The following NAALADL2 variants were observed in gnomAD, a reference collection of about 807,000 sequenced individuals.
The protein encoded by NAALADL2 is inactive N-acetylated-alpha-linked acidic dipeptidase-like protein 2.
NAALADL2 carries 76 observed loss-of-function variants against 87.2 expected under a neutral mutation model. The observed-to-expected ratio is 0.87, with a 90% CI of 0.72 to 1.05. The LOEUF is 1.05. Ranked by LOEUF, NAALADL2 falls within the 50% of genes least tolerant of loss-of-function variation. The pLI is 0.00. For missense variants in NAALADL2, 1,089 were observed against 945.8 expected, an observed-to-expected ratio of 1.15 and a Z score of -1.99; for synonymous variants, 354 against 331.0, an observed-to-expected ratio of 1.07 and a Z score of -0.75.
At chr3:175,625,271 G>A (rs1378411273) in intron 10 of NAALADL2, among the ~76,000 whole-genome samples, 3 of 151,922 alleles carry the variant, frequency 2.0e-5, no homozygotes, top group East Asian at 3.9e-4. Context: ...ATAGTGATGA[G>A]AATGTCATGT....
At chr3:175,565,258 A>G (rs1716921045) in intron 9 of NAALADL2, among the ~76,000 whole-genome samples, 2 of 152,206 alleles carry the variant, frequency 1.3e-5, no homozygotes, top group South Asian at 2.1e-4. Flanking sequence ...AATGAAATAA[A>G]AAGAACTCAT....
intron 4 of NAALADL2, among the ~76,000 whole-genome samples, chr3:175,315,645 A>G (rs543606307): frequency 1.3e-5 from 2 of 152,296 alleles, no homozygotes; most frequent in Admixed American, 1.3e-4. Context: ...ATTTTAGGCT[A>G]TAAATACTGT....
intron 1 of NAALADL2, among the ~76,000 whole-genome samples, chr3:174,499,193 G>A (rs1718735055): frequency 6.6e-6 from 1 of 151,940 alleles, no homozygotes; most frequent in Non-Finnish European, 1.5e-5. Context: ...CCTGGATAAG[G>A]GGAACTATTG....
At chr3:175,306,415 C>G (rs1757728603) in intron 4 of NAALADL2, among the ~76,000 whole-genome samples, 1 of 152,150 alleles carries the variant, frequency 6.6e-6, no homozygotes, top group Admixed American at 6.5e-5. Flanking sequence ...AATTCCTTCA[C>G]AGGTGGACAT....
At chr3:174,441,825 C>G (rs1473729193) in intron 1 of NAALADL2, among the ~76,000 whole-genome samples, 1 of 150,964 alleles carries the variant, frequency 6.6e-6, no homozygotes, top group African/African-American at 2.4e-5. Flanking sequence ...CATACAGTAG[C>G]CTTTACATTT....
chr3:174,958,212 A>G (rs139912112), intron 1 of NAALADL2, among the ~76,000 whole-genome samples: 177 of 151,004 alleles, frequency 1.2e-3, no homozygotes, highest in African/African-American at 4.1e-3. Flanking sequence ...CAATTTATAT[A>G]TATAAATAAT....
intron 3 of NAALADL2, among the ~76,000 whole-genome samples, chr3:174,767,365 C>T (rs999980963): frequency 1.3e-5 from 2 of 152,102 alleles, no homozygotes; most frequent in Non-Finnish European, 2.9e-5. Flanking sequence ...GTTACCCTTA[C>T]CAGACTTTTA....
chr3:174,654,060 TTGTGTGTGTG>T lies in NAALADL2; in HGVS notation c.-114-83549_-114-83540del, dbSNP rs137877260. On this transcript the variant is annotated intron_variant, in intron 2 of 3. Transcript: ENST00000434257. ...CATAATATTTAGTAATAAGATGGCTTTGTGTGTGTGTGTGTGTGTGTGTGTGTGTGTGTGT... is the reference window on the plus strand; with the variant it reads ...CATAATATTTAGTAATAAGATGGCTTTGTGTGTGTGTGTGTGTGTGTGTGT... Among the ~76,000 whole-genome samples the T allele has an allele frequency of 2.3e-3, 326 of 144,058 alleles. 2 individuals carry two copies. Among genetic ancestry groups the T allele is most frequent in the South Asian group, 8.6e-3 (38 of 4,420 alleles). 94.5% of individuals were successfully genotyped at this position (144,058 alleles called of 152,430 possible).
At chr3:174,485,097 C>T (rs1717771746) in intron 1 of NAALADL2, among the ~76,000 whole-genome samples, 1 of 151,942 alleles carries the variant, frequency 6.6e-6, no homozygotes, top group Non-Finnish European at 1.5e-5. Flanking sequence ...TCCATAGCCA[C>T]AGGTTCTGCA....
intron 1 of NAALADL2, among the ~76,000 whole-genome samples, chr3:174,528,975 C>T (rs1229887215): frequency 6.6e-6 from 1 of 152,080 alleles, no homozygotes; most frequent in Non-Finnish European, 1.5e-5. Context: ...ATCTCACGTC[C>T]CCACATTTCA....
At chr3:174,927,111 A>T (rs1036722335) in intron 1 of NAALADL2, among the ~76,000 whole-genome samples, 18 of 152,280 alleles carry the variant, frequency 1.2e-4, no homozygotes, top group African/African-American at 3.6e-4. Flanking sequence ...AAGAGACAGA[A>T]GGCCATTACA....
In NAALADL2 at chr3:175,131,815, G is replaced by A. The variant is rs865794808; in HGVS notation, c.545+34524G>A. Among the ~76,000 whole-genome samples the A allele has an allele frequency of 3.4e-4, 46 of 133,784 alleles. 1 individual carries two copies. Among genetic ancestry groups the A allele is most frequent in the African/African-American group, 8.7e-4 (30 of 34,648 alleles). The allele number at this position is 133,784 out of a possible 152,430, so 87.8% of individuals were successfully genotyped here. A position where few individuals can be genotyped will look rare whatever the true frequency, so the allele number is the denominator to read the frequency against. On this transcript the variant is annotated intron_variant, in intron 2 of 13. Transcript: ENST00000454872. ...TCCCGGACGGGGGGCCTGGCCGGGCGGGGGGCTGACCCCCCCCACCTCCCT... is the reference window on the plus strand; with the variant it reads ...TCCCGGACGGGGGGCCTGGCCGGGCAGGGGGCTGACCCCCCCCACCTCCCT...
At chr3:175,066,440 A>T (rs1035416529) in intron 1 of NAALADL2, among the ~76,000 whole-genome samples, 1 of 152,070 alleles carries the variant, frequency 6.6e-6, no homozygotes, top group Admixed American at 6.6e-5. Context: ...CTGTCTCTTC[A>T]GTGCTCTATC....
chr3:175,446,845 C>T (rs1407272115), intron 5 of NAALADL2, among the ~76,000 whole-genome samples: 2 of 152,134 alleles, frequency 1.3e-5, no homozygotes, highest in Non-Finnish European at 2.9e-5. Context: ...TTAGGTTTCC[C>T]CCTCAGGTCT....
chr3:175,174,883 T>G (rs1735481605), intron 2 of NAALADL2, among the ~76,000 whole-genome samples: 1 of 151,786 alleles, frequency 6.6e-6, no homozygotes, highest in Admixed American at 6.6e-5. Flanking sequence ...TTAATAGAAC[T>G]GCAAACAGAG....
At chr3:175,049,941 TAA>T (rs1755155851) in intron 1 of NAALADL2, among the ~76,000 whole-genome samples, 1 of 152,200 alleles carries the variant, frequency 6.6e-6, no homozygotes, top group African/African-American at 2.4e-5. Flanking sequence ...AAAAAAATAA[TAA>T]TCCCCAGCTG....
chr3:175,175,704 A>C lies in NAALADL2; in HGVS notation c.546-58227A>C, dbSNP rs377114368. ...TATCAACTTCAGTTTCAATAATTCA[A>C]TTATCTTTTCTGATTTTTAGCCAAT... On this transcript the variant is annotated intron_variant, in intron 2 of 13. Transcript: ENST00000454872. Among the ~76,000 whole-genome samples, 10 of 152,170 alleles carry C rather than the reference A, an allele frequency of 6.6e-5. No homozygotes were observed. In the East Asian group the frequency reaches 1.5e-3, roughly 24 times the overall value.
chr3:174,724,887 T>G (rs1346113532), intron 2 of NAALADL2, among the ~76,000 whole-genome samples: 1 of 152,148 alleles, frequency 6.6e-6, no homozygotes, highest in Non-Finnish European at 1.5e-5. Context: ...TGTGACAACT[T>G]TGAGAATTAC....
At chr3:174,769,214 A>T (rs984831491) in intron 3 of NAALADL2, among the ~76,000 whole-genome samples, 1 of 151,986 alleles carries the variant, frequency 6.6e-6, no homozygotes, top group Admixed American at 6.5e-5. Context: ...TTGTTATTCA[A>T]TATTCAAATG....
Sources: gnomAD v4.1 joint callset for allele counts (sites outside exome capture counted in the v4.1 genomes callset) on GRCh38, gnomAD v4.1.1 for gene constraint, MANE v1.5 for transcripts, NCBI Gene and HGNC (gene_info 2026-07-23, HGNC 2026-07-21) for gene names.